MTHFD1L: variants seen among roughly 807,000 people sequenced by gnomAD.
The protein encoded by MTHFD1L is monofunctional C1-tetrahydrofolate synthase, mitochondrial.
Under a neutral mutation model 119.5 loss-of-function variants are expected in MTHFD1L, and 81 were observed. The observed-to-expected ratio is 0.68, with a 90% CI of 0.57 to 0.82. The LOEUF is 0.82. Among genes scored for constraint, MTHFD1L ranks in the 40% least tolerant of loss-of-function variants. The pLI is 0.00. For missense variants in MTHFD1L, 1,125 were observed against 1,253.4 expected, an observed-to-expected ratio of 0.90 and a Z score of 1.55; for synonymous variants, 430 against 475.2, an observed-to-expected ratio of 0.90 and a Z score of 1.24.
In MTHFD1L at chr6:151,006,357, A is replaced by G. The variant is rs575195012; in HGVS notation, c.2126-3462A>G. Among the ~76,000 whole-genome samples the G allele has an allele frequency of 1.8e-4, 28 of 152,284 alleles. No individual in the cohort carries two copies. In the South Asian group the frequency reaches 5.8e-3, roughly 32 times the overall value. Reference sequence around the variant, plus strand: ...GAAAAGAGGTCTGGAGGTGACAACAAGTAACATAGAGTATGTGGGCTGTGC... The same window carrying G: ...GAAAAGAGGTCTGGAGGTGACAACAGGTAACATAGAGTATGTGGGCTGTGC... On this transcript the variant is annotated intron_variant, in intron 20 of 27. Coordinates refer to ENST00000367321, the MANE Select transcript of MTHFD1L (RefSeq NM_015440.5).
chr6:150,973,034 TG>T (rs1222814405), intron 20 of MTHFD1L, among the ~76,000 whole-genome samples: 2 of 152,210 alleles, frequency 1.3e-5, no homozygotes, highest in African/African-American at 4.8e-5. Context: ...CAGGCATTCA[TG>T]GAGGAGTCCC....
At chr6:151,007,165 T>C (rs1474219188) in intron 20 of MTHFD1L, among the ~76,000 whole-genome samples, 1 of 151,920 alleles carries the variant, frequency 6.6e-6, no homozygotes, top group African/African-American at 2.4e-5. Flanking sequence ...AACTCCACAT[T>C]TCTCTGCTTG....
chr6:150,957,694 G>A (rs1005478122), intron 17 of MTHFD1L, among the ~76,000 whole-genome samples: 4 of 152,096 alleles, frequency 2.6e-5, no homozygotes, highest in Non-Finnish European at 5.9e-5. Flanking sequence ...ATGTGCGTAT[G>A]GGTGTCTTGA....
intron 26 of MTHFD1L, among the ~76,000 whole-genome samples, chr6:151,067,379 A>T (rs1791434640): frequency 6.6e-6 from 1 of 152,132 alleles, no homozygotes; most frequent in African/African-American, 2.4e-5. Flanking sequence ...GCTGGTGTAC[A>T]GTGGTGCAAT....
At chr6:151,082,539 T>A (rs1405810528) in intron 26 of MTHFD1L, among the ~76,000 whole-genome samples, 2 of 152,160 alleles carry the variant, frequency 1.3e-5, no homozygotes, top group Non-Finnish European at 2.9e-5. Context: ...TAATGAAACC[T>A]TTTTTCCCAT....
rs146214385 is a variant in MTHFD1L, at chr6:151,037,238, G to A, written c.2847+121G>A. 2,019 of 1,051,998 alleles carry A rather than the reference G, an allele frequency of 1.9e-3. 20 individuals carry two copies. The African/African-American group carries it at 0.025, about 13-fold the overall frequency. 65.2% of individuals were successfully genotyped at this position (1,051,998 alleles called of 1,614,324 possible). ...TAGGGAAAATTGGGAGTAATTAATAGTACAGTATTCGCTATTTTTCTAAAC... is the reference window on the plus strand; with the variant it reads ...TAGGGAAAATTGGGAGTAATTAATAATACAGTATTCGCTATTTTTCTAAAC... On this transcript the variant is annotated intron_variant, in intron 26 of 27. Coordinates refer to ENST00000367321, the MANE Select transcript of MTHFD1L (RefSeq NM_015440.5).
At chr6:150,921,268 T>C (rs9478855) in intron 9 of MTHFD1L, among the ~76,000 whole-genome samples, 13,481 of 150,712 alleles carry the variant, frequency 0.089, 824 homozygotes, top group African/African-American at 0.17. Context: ...TACAGGCGTG[T>C]GCCACCACAC....
intron 20 of MTHFD1L, among the ~76,000 whole-genome samples, chr6:150,997,539 A>T (rs772820797): frequency 2.6e-5 from 4 of 152,188 alleles, no homozygotes; most frequent in Non-Finnish European, 4.4e-5. Flanking sequence ...CTGTAATCCC[A>T]GCACTTTGGG....
At chr6:151,099,646 A>G (rs1795193784) in intron 27 of MTHFD1L, 1 of 1,603,024 alleles carries the variant, frequency 6.2e-7, no homozygotes, top group Non-Finnish European at 8.5e-7. Flanking sequence ...ACCCAGAGGC[A>G]TTGACAACAG....
In MTHFD1L at chr6:150,965,038, G is replaced by A. The variant is rs747845733; in HGVS notation, c.2013+1G>A. 3 of 1,613,548 alleles carry A rather than the reference G, an allele frequency of 1.9e-6. No individual in the cohort carries two copies. Among genetic ancestry groups the A allele is most frequent in the Non-Finnish European group, 8.5e-7 (1 of 1,179,610 alleles). ...ACCAAACCTGATGCAGACCCTGGAA[G>A]TAAGTGGTTTTCTTCTTATAGTAAT... is the stretch of plus-strand genomic sequence containing the variant. On this transcript the variant is annotated splice_donor_variant, in intron 19 of 27. Transcript: ENST00000367321. LOFTEE classifies it high-confidence loss of function.
chr6:150,920,139 G>A (rs779700072), intron 9 of MTHFD1L, among the ~76,000 whole-genome samples: 1 of 152,230 alleles, frequency 6.6e-6, no homozygotes, highest in Non-Finnish European at 1.5e-5. Context: ...GGAGTCTGCA[G>A]TGTGGATGAC....
At chr6:151,038,920 CAG>C (rs1310576225) in intron 26 of MTHFD1L, among the ~76,000 whole-genome samples, 3 of 152,140 alleles carry the variant, frequency 2.0e-5, no homozygotes, top group Non-Finnish European at 4.4e-5. Context: ...CTGGCTTGAA[CAG>C]AGAGAGCTCA....
intron 9 of MTHFD1L, among the ~76,000 whole-genome samples, chr6:150,921,780 T>G (rs924426302): frequency 6.6e-5 from 10 of 152,234 alleles, no homozygotes; most frequent in African/African-American, 2.4e-4. Flanking sequence ...ACAATGAACA[T>G]AGTCAGAAGT....
intron 26 of MTHFD1L, among the ~76,000 whole-genome samples, chr6:151,060,566 A>G (rs1790495406): frequency 6.6e-6 from 1 of 152,206 alleles, no homozygotes; most frequent in African/African-American, 2.4e-5. Context: ...GGGATAGGGA[A>G]GTCAGGCCAG....
chr6:150,893,459 A>G (rs543224264), intron 7 of MTHFD1L, among the ~76,000 whole-genome samples: 1 of 150,672 alleles, frequency 6.6e-6, no homozygotes, highest in African/African-American at 2.4e-5. Flanking sequence ...TGGCAATGGT[A>G]AAAGAGTTAA....
intron 9 of MTHFD1L, among the ~76,000 whole-genome samples, chr6:150,920,208 A>G (rs531498820): frequency 1.2e-3 from 180 of 152,354 alleles, no homozygotes; most frequent in African/African-American, 4.0e-3. Context: ...GAAGTAGATC[A>G]CTAAGTCCAG....
At chr6:151,078,601 C>A (rs1792816247) in intron 26 of MTHFD1L, among the ~76,000 whole-genome samples, 1 of 152,098 alleles carries the variant, frequency 6.6e-6, no homozygotes, top group South Asian at 2.1e-4. Context: ...GAGGGCCCAG[C>A]TTTTTGCTGG....
chr6:150,933,859 C>G (rs1459725368), intron 11 of MTHFD1L, among the ~76,000 whole-genome samples: 3 of 152,158 alleles, frequency 2.0e-5, no homozygotes, highest in Non-Finnish European at 2.9e-5. Flanking sequence ...TCAAGCAGTC[C>G]TTTTACCTTG....
rs772567872 is a variant in MTHFD1L, at chr6:151,037,069, C to G, written c.2799C>G (p.Asp933Glu). ...VPRDFILPISDVRASIGAGFI... is the reference protein window; with the variant it reads ...VPRDFILPISEVRASIGAGFI... ...GGGACTTCATCTTACCTATCAGTGA[C>G]GTCCGGGCCAGCATAGGCGCTGGGT... The change falls in exon 26 of 28, where the codon GAC becomes GAG. Residue 933 changes from aspartate (D) to glutamate (E), a missense_variant. Asp to Glu is a conservative substitution (Grantham distance 45). Transcript: ENST00000367321. 4 of 1,611,998 alleles carry G rather than the reference C, an allele frequency of 2.5e-6. No individual in the cohort carries two copies.
Sources: gnomAD v4.1 joint callset for allele counts (sites outside exome capture counted in the v4.1 genomes callset) on GRCh38, gnomAD v4.1.1 for gene constraint, MANE v1.5 for transcripts, NCBI Gene and HGNC (gene_info 2026-07-23, HGNC 2026-07-21) for gene names.